ATG4A: variants seen among roughly 807,000 people sequenced by gnomAD.
ATG4A encodes cysteine protease ATG4A.
In ATG4A, 22 loss-of-function variants were observed where a neutral mutation model predicts 38.4. The ratio of observed to expected loss-of-function variants is 0.57; its 90% confidence interval spans 0.41 to 0.82. ATG4A has a LOEUF of 0.82. Among genes scored for constraint, ATG4A ranks in the 40% least tolerant of loss-of-function variants. The pLI, the probability that ATG4A is intolerant of heterozygous loss-of-function variation, is 0.00. For synonymous variants in ATG4A, 86 were observed against 100.7 expected (o/e 0.85, Z 0.88); for missense variants, 220 against 290.0 (o/e 0.76, Z 1.75).
upstream of ATG4A, chrX:108,091,363 T>G (rs767732426): frequency 5.2e-6 from 6 of 1,157,048 alleles, no homozygotes; most frequent in Admixed American, 6.5e-5. Flanking sequence ...CACGTAGGGC[T>G]TCGCCGACGT....
At chrX:108,135,805 G>A (rs1196335451) in intron 6 of ATG4A, among the ~76,000 whole-genome samples, 1 of 103,974 alleles carries the variant, frequency 9.6e-6, no homozygotes, top group African/African-American at 3.6e-5. Flanking sequence ...TTTTTTTTAG[G>A]ACAGAGTCTC....
At chrX:108,091,923 G>T in intron 1 of ATG4A, 87 bp downstream of exon 1, 3 of 1,183,184 alleles carry the variant, frequency 2.5e-6, no homozygotes, top group Non-Finnish European at 3.4e-6. Flanking sequence ...ATATGAAACA[G>T]GTTCGGGGGC....
At chrX:108,134,704 TGGCCTGAGGGTCCCTTTGAA>T (rs2033051876) in intron 6 of ATG4A, among the ~76,000 whole-genome samples, 1 of 112,108 alleles carries the variant, frequency 8.9e-6, no homozygotes, top group Non-Finnish European at 1.9e-5. Context: ...TGGGAGCCAT[TGGCCTGAGGGTCCCTTTGAA>T]GCCAAAAGTT....
intron 4 of ATG4A, 50 bp from the exon 5 acceptor site, chrX:108,134,007 G>T: frequency 4.1e-6 from 4 of 972,723 alleles, no homozygotes; most frequent in Non-Finnish European, 5.6e-6. Flanking sequence ...GTGCAGAGAG[G>T]AATAAACAGT....
At chrX:108,091,284 T>C, upstream of ATG4A, 1 of 625,595 alleles carries the variant, frequency 1.6e-6, no homozygotes. Flanking sequence ...GGGGACTGCT[T>C]GGGGCGGCGG....
intron 1 of ATG4A, among the ~76,000 whole-genome samples, chrX:108,097,210 A>G (rs2031850772): frequency 8.9e-6 from 1 of 112,119 alleles, no homozygotes. Context: ...AGTTGGAGCT[A>G]TAATAGAAAT....
intron 4 of ATG4A, 134 bp downstream of exon 4, chrX:108,131,492 T>G: frequency 1.8e-6 from 1 of 558,455 alleles, no homozygotes; most frequent in South Asian, 3.5e-5. Flanking sequence ...CTCTGCAAGC[T>G]CAAGTGGTGG....
intron 11 of ATG4A, 74 bp from the exon 12 acceptor site, chrX:108,152,905 G>A: frequency 3.8e-6 from 3 of 795,628 alleles, no homozygotes; most frequent in Non-Finnish European, 5.7e-6. Flanking sequence ...CTGTCTCAGG[G>A]TTTGGGGTCA....
intron 6 of ATG4A, among the ~76,000 whole-genome samples, chrX:108,135,642 C>T (rs140037495): frequency 4.5e-5 from 5 of 111,836 alleles, no homozygotes; most frequent in African/African-American, 6.5e-5. Flanking sequence ...ACTGTATGAA[C>T]GTAGTGTGGA....
chrX:108,109,815 A>ATTTCC (rs1296188982), intron 1 of ATG4A, among the ~76,000 whole-genome samples: 1 of 111,167 alleles, frequency 9.0e-6, no homozygotes, highest in South Asian at 3.8e-4. Context: ...TTTCTATTCT[A>ATTTCC]TTTCCTTGAG....
At chrX:108,129,870 C>A (rs1389917552) in intron 3 of ATG4A, among the ~76,000 whole-genome samples, 30 of 95,013 alleles carry the variant, frequency 3.2e-4, no homozygotes, top group African/African-American at 1.1e-3. Flanking sequence ...GCTCCCGGCC[C>A]TTTTTTTTTT....
At chrX:108,091,965 G>C in intron 1 of ATG4A, 129 bp downstream of exon 1, 1 of 1,069,557 alleles carries the variant, frequency 9.3e-7, no homozygotes, top group Non-Finnish European at 1.3e-6. Flanking sequence ...TAAAGGTCCT[G>C]TCCCCCGGGG....
At chrX:108,117,208 A>G (rs1358110909) in intron 1 of ATG4A, among the ~76,000 whole-genome samples, 1 of 110,591 alleles carries the variant, frequency 9.0e-6, no homozygotes, top group African/African-American at 3.3e-5. Context: ...GTTAAACCTT[A>G]GGAGAGGACT....
intron 9 of ATG4A, among the ~76,000 whole-genome samples, chrX:108,147,726 T>TGG: frequency 9.0e-6 from 1 of 111,050 alleles, no homozygotes; most frequent in East Asian, 2.8e-4. Context: ...TGGTCAATTG[T>TGG]ATTATGTATA....
intron 11 of ATG4A, 137 bp from the exon 12 acceptor site, chrX:108,152,842 G>C (rs901789675): frequency 4.4e-6 from 2 of 458,578 alleles, no homozygotes; most frequent in African/African-American, 4.9e-5. Flanking sequence ...GGTTCAAGTA[G>C]AGGATGCATG....
intron 1 of ATG4A, among the ~76,000 whole-genome samples, chrX:108,106,026 T>C (rs2032160883): frequency 8.9e-6 from 1 of 111,861 alleles, no homozygotes; most frequent in South Asian, 3.7e-4. Flanking sequence ...AATATATCAT[T>C]GTTAAATTGG....
intron 1 of ATG4A, 41 bp downstream of exon 1, chrX:108,091,877 G>C: frequency 8.3e-7 from 1 of 1,209,860 alleles, no homozygotes; most frequent in Non-Finnish European, 1.1e-6. Flanking sequence ...TGAAAGAGCC[G>C]GGGTGGGTAG....
chrX:108,127,530 G>A (rs1447228126), intron 2 of ATG4A, among the ~76,000 whole-genome samples: 3 of 111,978 alleles, frequency 2.7e-5, no homozygotes, highest in Non-Finnish European at 5.6e-5. Context: ...AGTTAACCAG[G>A]TTACACAGCT....
At position 108,150,212 on chromosome X, in the gene ATG4A, A is replaced by G. The variant is rs1334467970; in HGVS notation, c.875A>G (p.Asn292Ser). Residue 292 changes from asparagine (N) to serine (S), a missense_variant, in exon 10 of 13, where the codon AAT becomes AGT. Transcript: ENST00000372232. Reference sequence around the variant, plus strand: ...CAGACCTTTGTTGACACTGAAGAGAATGGAACGGTTAATGACCAGACTTTC... The same window carrying G: ...CAGACCTTTGTTGACACTGAAGAGAGTGGAACGGTTAATGACCAGACTTTC... ...TTQTFVDTEENGTVNDQTFHC... is the reference protein window; with the variant it reads ...TTQTFVDTEESGTVNDQTFHC... 3 of 1,211,906 alleles carry G rather than the reference A, an allele frequency of 2.5e-6. No homozygotes were observed. Among genetic ancestry groups the G allele is most frequent in the South Asian group, 3.5e-5 (2 of 57,016 alleles).
Sources: gnomAD v4.1 joint callset for allele counts (sites outside exome capture counted in the v4.1 genomes callset) on GRCh38, gnomAD v4.1.1 for gene constraint, MANE v1.5 for transcripts, NCBI Gene and HGNC (gene_info 2026-07-23, HGNC 2026-07-21) for gene names.